Variants in CD2AP observed in about 807,000 individuals in gnomAD.
CD2AP encodes CD2-associated protein.
In CD2AP, 46 loss-of-function variants were observed where a neutral mutation model predicts 85.1. The ratio of observed to expected loss-of-function variants is 0.54; its 90% CI spans 0.43 to 0.69. The LOEUF (loss-of-function observed/expected upper bound fraction) is 0.69, where lower values mean the gene tolerates loss of function less well. Ranked by LOEUF, CD2AP falls within the 30% of genes least tolerant of loss-of-function variation. The pLI, the probability that CD2AP is intolerant of heterozygous loss-of-function variation, is 0.00. For synonymous variants in CD2AP, 255 were observed against 252.9 expected, an observed-to-expected ratio of 1.01 and a Z score of -0.08; for missense variants, 769 against 729.5, an observed-to-expected ratio of 1.05 and a Z score of -0.62.
intron 4 of CD2AP, among the ~76,000 whole-genome samples, chr6:47,545,719 CAGCCCGG>C (rs1365273661): frequency 2.6e-5 from 4 of 152,154 alleles, no homozygotes; most frequent in African/African-American, 7.2e-5. Flanking sequence ...CCCCCAGTAC[CAGCCCGG>C]AGCCTGGTAG....
chr6:47,589,282 A>G (rs1208360181), intron 11 of CD2AP, among the ~76,000 whole-genome samples: 1 of 151,588 alleles, frequency 6.6e-6, no homozygotes, highest in African/African-American at 2.4e-5. Flanking sequence ...TATGGGTAAG[A>G]TTGTCCAAGA....
intron 12 of CD2AP, among the ~76,000 whole-genome samples, chr6:47,597,690 T>A (rs1200974088): frequency 6.7e-6 from 1 of 150,344 alleles, no homozygotes; most frequent in Non-Finnish European, 1.5e-5. Context: ...GAAGGATGAG[T>A]CAGAAGGCAG....
Position 47,626,626 on chromosome 6 carries a change from G to A in CD2AP, c.*2399G>A, listed in dbSNP as rs1474321047. ...CACTAAGCTTCTGTCTTAATACAAAGCTGTTACCTTCTACAGAATTTAAGT... is the reference window on the plus strand; with the variant it reads ...CACTAAGCTTCTGTCTTAATACAAAACTGTTACCTTCTACAGAATTTAAGT... On this transcript the variant is annotated 3_prime_UTR_variant, in exon 18 of 18. Coordinates refer to ENST00000359314, the MANE Select transcript of CD2AP (RefSeq NM_012120.3). The A allele has an allele frequency of 1.3e-5, 2 of 152,360 alleles. No individual in the cohort carries two copies. The highest frequency in any genetic ancestry group is 4.8e-5 in the African/African-American group (2 of 41,424). 9.4% of individuals were successfully genotyped at this position (152,360 alleles called of 1,614,324 possible). A position where few individuals can be genotyped will look rare whatever the true frequency, so the allele number is the denominator to read the frequency against.
At chr6:47,505,037 A>G (rs1046412207) in intron 2 of CD2AP, among the ~76,000 whole-genome samples, 1 of 45,378 alleles carries the variant, frequency 2.2e-5, no homozygotes, top group Admixed American at 2.2e-4. Flanking sequence ...TTTTTTTTTT[A>G]ATTTATTTTT....
At position 47,598,554 on chromosome 6, in the gene CD2AP, A is replaced by G. The variant is rs750314910; in HGVS notation, c.1275-747A>G. Among the ~76,000 whole-genome samples, 9 of 151,132 alleles carry G rather than the reference A, an allele frequency of 6.0e-5. 1 individual carries two copies. Among genetic ancestry groups the G allele is most frequent in the Non-Finnish European group, 1.2e-4 (8 of 67,374 alleles). ...AGAAATTGTGGTATATATATATACC[A>G]TGGAATACTACTCAGCCGTAAAAAA... On this transcript the variant is annotated intron_variant, in intron 12 of 17. Coordinates refer to ENST00000359314, the MANE Select transcript of CD2AP (RefSeq NM_012120.3).
In CD2AP at chr6:47,533,746, A is replaced by T. The variant is rs763045932; in HGVS notation, c.310A>T (p.Ile104Phe). ...TCAGCCACATCCACAAACCAAAAACATTAAGAAGAGTATGTAAATAATTCC... is the reference window on the plus strand; with the variant it reads ...TCAGCCACATCCACAAACCAAAAACTTTAAGAAGAGTATGTAAATAATTCC... ...GIQPHPQTKN[I>F]KKKTKKRQCK... The change falls in exon 3 of 18, where the codon ATT (isoleucine) becomes TTT (phenylalanine). Residue 104 changes from isoleucine (I) to phenylalanine (F), a missense_variant. Coordinates refer to ENST00000359314, the MANE Select transcript of CD2AP (RefSeq NM_012120.3). The T allele has an allele frequency of 1.2e-6, 2 of 1,613,990 alleles. No homozygotes were observed.
At chr6:47,551,078 G>A (rs1207220222) in intron 4 of CD2AP, among the ~76,000 whole-genome samples, 1 of 152,016 alleles carries the variant, frequency 6.6e-6, no homozygotes, top group East Asian at 1.9e-4. Context: ...CAAATTGGGT[G>A]CAGTGTATAC....
At chr6:47,545,493 C>T (rs1039583789) in intron 4 of CD2AP, among the ~76,000 whole-genome samples, 1 of 152,142 alleles carries the variant, frequency 6.6e-6, no homozygotes, top group African/African-American at 2.4e-5. Flanking sequence ...CCTCCCCATA[C>T]TACATAGCTG....
intron 17 of CD2AP, among the ~76,000 whole-genome samples, chr6:47,614,640 G>A (rs13192521): frequency 0.25 from 38,151 of 152,084 alleles, 5,502 homozygotes; most frequent in East Asian, 0.6. Flanking sequence ...GTGACACAGT[G>A]ATACAAAGTG....
At chr6:47,534,509 C>A (rs1341581525) in intron 3 of CD2AP, among the ~76,000 whole-genome samples, 1 of 152,076 alleles carries the variant, frequency 6.6e-6, no homozygotes, top group East Asian at 1.9e-4. Flanking sequence ...GAGTTCGAGA[C>A]CAGCCTGACC....
chr6:47,589,379 T>TACACACACACACACACAC (rs1554182232), intron 11 of CD2AP, among the ~76,000 whole-genome samples: 339 of 139,430 alleles, frequency 2.4e-3, no homozygotes, highest in African/African-American at 7.9e-3. Context: ...CTCTTGAATA[T>TACACACACACACACACAC]ACACACACAC....
chr6:47,491,281 G>A (rs1182315275), intron 1 of CD2AP, among the ~76,000 whole-genome samples: 1 of 94,146 alleles, frequency 1.1e-5, no homozygotes, highest in Non-Finnish European at 2.6e-5. Flanking sequence ...ATGTGTGTGT[G>A]TGTGTGTGTG....
At chr6:47,581,874 T>G (rs867797093) in intron 10 of CD2AP, 129 bp from the exon 11 acceptor site, 6 of 665,104 alleles carry the variant, frequency 9.0e-6, no homozygotes, top group East Asian at 2.8e-5. Flanking sequence ...TTCCGGTACA[T>G]TGTTCTTTCT....
At chr6:47,609,102 A>AT (rs747933768) in intron 15 of CD2AP, 21 bp from the exon 16 acceptor site, 3,246 of 1,447,090 alleles carry the variant, frequency 2.2e-3, no homozygotes, top group Non-Finnish European at 2.5e-3. Flanking sequence ...AAAATCAGAA[A>AT]TTTTTTTTTT....
At chr6:47,575,314 T>G (rs1768276038) in intron 6 of CD2AP, among the ~76,000 whole-genome samples, 1 of 152,222 alleles carries the variant, frequency 6.6e-6, no homozygotes. Context: ...TTAGACTAGA[T>G]GATCTTGTGC....
At chr6:47,495,122 C>T (rs929963582) in intron 1 of CD2AP, among the ~76,000 whole-genome samples, 1 of 152,092 alleles carries the variant, frequency 6.6e-6, no homozygotes, top group African/African-American at 2.4e-5. Context: ...GAAATTACTC[C>T]ATTGCACTCC....
At chr6:47,543,173 GAAAAAGA>G (rs1767273917) in intron 3 of CD2AP, among the ~76,000 whole-genome samples, 20 of 88,516 alleles carry the variant, frequency 2.3e-4, no homozygotes, top group Admixed American at 3.4e-4. Flanking sequence ...AAAAAAAAAA[GAAAAAGA>G]AAAAAGAAAA....
At chr6:47,612,870 G>A (rs1056498422) in intron 17 of CD2AP, among the ~76,000 whole-genome samples, 1 of 152,114 alleles carries the variant, frequency 6.6e-6, no homozygotes, top group African/African-American at 2.4e-5. Flanking sequence ...GGATATTAGT[G>A]GAATTAATTA....
At chr6:47,588,828 G>A (rs892045859) in intron 11 of CD2AP, among the ~76,000 whole-genome samples, 1 of 152,044 alleles carries the variant, frequency 6.6e-6, no homozygotes, top group African/African-American at 2.4e-5. Context: ...GAAAAGAGAG[G>A]AAAACCTCTC....
Sources: allele counts gnomAD v4.1 joint callset (sites outside exome capture counted in the v4.1 genomes callset), GRCh38; gene constraint gnomAD v4.1.1; transcripts MANE v1.5; gene names NCBI Gene and HGNC (gene_info 2026-07-23, HGNC 2026-07-21).